The following TEX264 variants were observed in gnomAD, a reference collection of about 807,000 sequenced individuals.
TEX264 encodes testis expressed 264, ER-phagy receptor.
A neutral mutation model predicts 23.4 loss-of-function variants in TEX264; 13 were observed. The ratio of observed to expected loss-of-function variants is 0.56; its 90% confidence interval spans 0.36 to 0.88. The LOEUF (loss-of-function observed/expected upper bound fraction) is 0.88. Ranked by LOEUF, TEX264 falls within the 40% of genes least tolerant of loss-of-function variation. The pLI, the probability that TEX264 is intolerant of heterozygous loss-of-function variation, is 0.01. For missense variants in TEX264, 340 were observed against 406.8 expected (o/e 0.84, Z 1.41); for synonymous variants, 159 against 170.0 (o/e 0.94, Z 0.50).
Position 51,674,510 on chromosome 3 carries a change from G to A in TEX264, c.206G>A (p.Ser69Asn). ...ETGRLFTESCSISPKLRSIAV... is the reference protein window; with the variant it reads ...ETGRLFTESCNISPKLRSIAV... The stretch of plus-strand genomic sequence containing the variant: ...GGGCGGCTTTTCACTGAGAGCTGCA[G>A]CATCTCTCCCAAGCTCCGCTCCATC... The change falls in exon 2 of 5, where the codon AGC becomes AAC. Residue 69 changes from serine to asparagine, a missense_variant. Transcript: ENST00000341333. 1.2e-6 allele frequency: 2 copies of A among 1,614,210 alleles called. No individual in the cohort carries two copies. Among genetic ancestry groups the A allele is most frequent in the Non-Finnish European group, 1.7e-6 (2 of 1,180,038 alleles).
intron 2 of TEX264, among the ~76,000 whole-genome samples, chr3:51,680,077 C>G (rs1306168541): frequency 6.6e-6 from 1 of 152,206 alleles, no homozygotes; most frequent in Non-Finnish European, 1.5e-5. Context: ...TCTACTTTCC[C>G]CCTTAACTTG....
Position 51,704,086 on chromosome 3 carries a change from C to G in TEX264, c.*70C>G. 1 of 1,285,022 alleles carries G rather than the reference C, an allele frequency of 7.8e-7. No individual in the cohort carries two copies. The highest frequency in any genetic ancestry group is 2.7e-5 in the East Asian group (1 of 36,472). 79.6% of individuals were successfully genotyped at this position (1,285,022 alleles called of 1,614,324 possible). A position where few individuals can be genotyped will look rare whatever the true frequency, so the allele number is the denominator to read the frequency against. ...GCAGACTCTCCAGCAGACTCTCCAG[C>G]CCTCTTCCTCCTTCCTCTGGGGGAG... On this transcript the variant is annotated 3_prime_UTR_variant, in exon 5 of 5. Transcript: ENST00000341333.
chr3:51,685,686 A>G (rs1577508380), intron 3 of TEX264, among the ~76,000 whole-genome samples: 1 of 152,244 alleles, frequency 6.6e-6, no homozygotes, highest in Non-Finnish European at 1.5e-5. Flanking sequence ...CCACGTCTGT[A>G]CAAGATGAGC....
intron 4 of TEX264, among the ~76,000 whole-genome samples, chr3:51,702,758 C>A (rs558115599): frequency 8.5e-4 from 129 of 152,360 alleles, no homozygotes; most frequent in Non-Finnish European, 1.5e-3. Flanking sequence ...CTCCTTGCCA[C>A]CCCAGCCTGC....
intron 3 of TEX264, among the ~76,000 whole-genome samples, chr3:51,689,446 A>G (rs1702744945): frequency 6.7e-6 from 1 of 148,514 alleles, no homozygotes; most frequent in African/African-American, 2.4e-5. Context: ...ATAAAAGTAA[A>G]AACATTAAAA....
At chr3:51,699,761 C>G (rs970030559) in intron 4 of TEX264, among the ~76,000 whole-genome samples, 187 bp downstream of exon 4, 1 of 152,102 alleles carries the variant, frequency 6.6e-6, no homozygotes, top group African/African-American at 2.4e-5. Context: ...TTCCCAGACA[C>G]ATGGATCTAC....
At chr3:51,674,591 A>G (rs771924172) in intron 2 of TEX264, 29 bp downstream of exon 2, 7 of 1,607,342 alleles carry the variant, frequency 4.4e-6, no homozygotes, top group East Asian at 2.2e-5. Context: ...GTTCTGCCCC[A>G]TGGATGGGCC....
chr3:51,695,362 C>G (rs576808782), intron 3 of TEX264, among the ~76,000 whole-genome samples: 2 of 152,324 alleles, frequency 1.3e-5, no homozygotes, highest in South Asian at 2.1e-4. Flanking sequence ...CCACCTAGTT[C>G]TAAGCAAACC....
chr3:51,679,439 A>G (rs1702347014), intron 2 of TEX264, among the ~76,000 whole-genome samples: 1 of 152,134 alleles, frequency 6.6e-6, no homozygotes, highest in South Asian at 2.1e-4. Context: ...GGCACAGTGC[A>G]GGGAAAAGCC....
At chr3:51,699,706 G>A in intron 4 of TEX264, 132 bp downstream of exon 4, 1 of 1,050,196 alleles carries the variant, frequency 9.5e-7, no homozygotes, top group Non-Finnish European at 1.4e-6. Context: ...GGCAGAGGGA[G>A]GAAGGAGACC....
At chr3:51,677,334 G>T (rs916845355) in intron 2 of TEX264, among the ~76,000 whole-genome samples, 2 of 152,202 alleles carry the variant, frequency 1.3e-5, no homozygotes, top group Non-Finnish European at 2.9e-5. Flanking sequence ...CCTGGTCCTG[G>T]AGTGGGCTGA....
chr3:51,702,927 A>G (rs1703367388), intron 4 of TEX264, among the ~76,000 whole-genome samples: 1 of 152,100 alleles, frequency 6.6e-6, no homozygotes, highest in East Asian at 1.9e-4. Context: ...GGGCACCCCA[A>G]CCACCAGCAG....
intron 4 of TEX264, among the ~76,000 whole-genome samples, chr3:51,700,044 T>A (rs1379117761): frequency 6.6e-6 from 1 of 152,082 alleles, no homozygotes; most frequent in Non-Finnish European, 1.5e-5. Flanking sequence ...GCTTTCTCCC[T>A]GCCAGGGAAC....
chr3:51,699,696 G>C (rs1281830825), intron 4 of TEX264, 122 bp downstream of exon 4: 3 of 1,187,408 alleles, frequency 2.5e-6, no homozygotes, highest in African/African-American at 3.1e-5. Context: ...GGCTATGCTT[G>C]GCAGAGGGAG....
chr3:51,699,713 G>C, intron 4 of TEX264, 139 bp downstream of exon 4: 1 of 956,666 alleles, frequency 1.0e-6, no homozygotes, highest in Non-Finnish European at 1.6e-6. Context: ...GGAGGAAGGA[G>C]ACCCACCTAC....
At chr3:51,694,070 C>CCTTCCCCTT (rs1702948534) in intron 3 of TEX264, among the ~76,000 whole-genome samples, 1 of 102,450 alleles carries the variant, frequency 9.8e-6, no homozygotes, top group Non-Finnish European at 2.0e-5. Context: ...CCTTCCCTTC[C>CCTTCCCCTT]CCTTCCTTCC....
chr3:51,693,886 G>T (rs1219526954), intron 3 of TEX264, among the ~76,000 whole-genome samples: 1 of 151,978 alleles, frequency 6.6e-6, no homozygotes, highest in Non-Finnish European at 1.5e-5. Context: ...GATTCTTTTT[G>T]GGTTTTCTGA....
intron 4 of TEX264, among the ~76,000 whole-genome samples, chr3:51,701,616 C>T (rs1703307062): frequency 6.6e-6 from 1 of 151,910 alleles, no homozygotes; most frequent in African/African-American, 2.4e-5. Flanking sequence ...GCCACCATGC[C>T]CAGCTGGATT....
chr3:51,692,042 C>T (rs1401553040), intron 3 of TEX264, among the ~76,000 whole-genome samples: 1 of 152,186 alleles, frequency 6.6e-6, no homozygotes, highest in African/African-American at 2.4e-5. Context: ...CCCTCCCTTC[C>T]CCCAGGAATG....
Sources: gnomAD v4.1 joint callset for allele counts (sites outside exome capture counted in the v4.1 genomes callset) on GRCh38, gnomAD v4.1.1 for gene constraint, MANE v1.5 for transcripts, NCBI Gene and HGNC (gene_info 2026-07-23, HGNC 2026-07-21) for gene names.